Variants in CPEB2 observed in about 807,000 individuals in gnomAD.
CPEB2 encodes the protein cytoplasmic polyadenylation element-binding protein 2.
A neutral mutation model predicts 93.6 loss-of-function variants in CPEB2; 56 were observed. The observed-to-expected ratio is 0.60, with a 90% confidence interval of 0.48 to 0.75. CPEB2 has a LOEUF of 0.75. Among genes scored for constraint, CPEB2 ranks in the 30% least tolerant of loss-of-function variants. The probability of loss-of-function intolerance (pLI) is 0.00; values close to 1 mark genes in which losing one functional copy is unlikely to be tolerated. For missense variants in CPEB2, 1,579 were observed against 1,395.1 expected (o/e 1.13, Z -2.10); for synonymous variants, 764 against 586.3 (o/e 1.30, Z -4.38).
rs1433947209 is a variant in CPEB2, at chr4:15,002,635, G to A, written c.-39G>A. On this transcript the variant is annotated 5_prime_UTR_variant, in exon 1 of 12. Transcript: ENST00000538197. ...CGGCGGCTTCCTAGGTGGGGCAGGGGACGAGGAGCGTCTCCTCCCGCTGCC... is the reference window on the plus strand; with the variant it reads ...CGGCGGCTTCCTAGGTGGGGCAGGGAACGAGGAGCGTCTCCTCCCGCTGCC... The A allele has an allele frequency of 2.7e-6, 4 of 1,460,184 alleles. No individual in the cohort carries two copies. In the African/African-American group the frequency reaches 4.3e-5, roughly 16 times the overall value. 90.5% of individuals were successfully genotyped at this position (1,460,184 alleles called of 1,614,324 possible).
intron 8 of CPEB2, among the ~76,000 whole-genome samples, 196 bp from the exon 9 acceptor site, chr4:15,058,225 C>T (rs181154694): frequency 6.6e-6 from 1 of 151,980 alleles, no homozygotes; most frequent in East Asian, 1.9e-4. Flanking sequence ...ATAAAGTAGC[C>T]AATTGCTTTA....
At chr4:15,023,274 A>G (rs1359290892) in intron 4 of CPEB2, among the ~76,000 whole-genome samples, 1 of 152,048 alleles carries the variant, frequency 6.6e-6, no homozygotes, top group Non-Finnish European at 1.5e-5. Flanking sequence ...AGTAATTGGA[A>G]TAATTAGGCT....
In CPEB2 at chr4:15,056,140, G is replaced by A. The variant is rs192599900; in HGVS notation, c.2461+1923G>A. On this transcript the variant is annotated intron_variant, in intron 8 of 11. Transcript: ENST00000538197. ...AATGTTCATATTCTCAATAATTCACGGATTGTTAACTGCCTAATAAATGAG... is the reference window on the plus strand; with the variant it reads ...AATGTTCATATTCTCAATAATTCACAGATTGTTAACTGCCTAATAAATGAG... Among the ~76,000 whole-genome samples, 378 of 152,130 alleles carry A rather than the reference G, an allele frequency of 2.5e-3. 2 individuals are homozygous for A. Among genetic ancestry groups the A allele is most frequent in the African/African-American group, 8.4e-3 (349 of 41,490 alleles).
chr4:15,051,154 G>T (rs1404643310), intron 6 of CPEB2, among the ~76,000 whole-genome samples: 1 of 151,856 alleles, frequency 6.6e-6, no homozygotes, highest in African/African-American at 2.4e-5. Context: ...ATCCTTTGTG[G>T]ATTTTTTGCA....
intron 4 of CPEB2, among the ~76,000 whole-genome samples, chr4:15,023,147 T>A (rs1724987860): frequency 6.6e-6 from 1 of 152,066 alleles, no homozygotes; most frequent in Admixed American, 6.6e-5. Context: ...GCAATCCTGT[T>A]ACTCACCACA....
intron 4 of CPEB2, among the ~76,000 whole-genome samples, chr4:15,030,480 A>G (rs1725974457): frequency 6.6e-6 from 1 of 152,140 alleles, no homozygotes; most frequent in Non-Finnish European, 1.5e-5. Flanking sequence ...AATTGGTTGT[A>G]AAGAACATAG....
chr4:15,004,554 G>C (rs148046273), intron 1 of CPEB2, among the ~76,000 whole-genome samples: 4,134 of 152,238 alleles, frequency 0.027, 90 homozygotes, highest in South Asian at 0.14. Flanking sequence ...ACCGTGGGCT[G>C]TGGGGGCGTG....
rs551480180 is a variant in CPEB2 at position 15,061,123 on chromosome 4, T to C, written c.2696-956T>C. Among the ~76,000 whole-genome samples the C allele has an allele frequency of 2.6e-5, 4 of 152,256 alleles. No homozygotes were observed. The South Asian group carries it at 8.3e-4, about 32-fold the overall frequency. ...GAGTGTGGCCAGTGCCTGTTAAATATCGAGTTGTCCAGTAGACAGTTGCAT... is the reference window on the plus strand; with the variant it reads ...GAGTGTGGCCAGTGCCTGTTAAATACCGAGTTGTCCAGTAGACAGTTGCAT... On this transcript the variant is annotated intron_variant, in intron 10 of 11. Transcript: ENST00000538197.
chr4:15,014,535 G>A (rs1051335465), intron 3 of CPEB2, among the ~76,000 whole-genome samples: 9 of 151,974 alleles, frequency 5.9e-5, no homozygotes, highest in South Asian at 2.1e-4. Flanking sequence ...AGCAAGCCAC[G>A]TTAATCTGAT....
At chr4:15,065,868 T>C (rs995993623) in intron 11 of CPEB2, among the ~76,000 whole-genome samples, 1 of 152,064 alleles carries the variant, frequency 6.6e-6, no homozygotes, top group African/African-American at 2.4e-5. Context: ...GATATCTCTT[T>C]TGTTTTTCAC....
Position 15,068,867 on chromosome 4 carries a change from AGTCTAAT to A in CPEB2, c.*2490_*2496del, listed in dbSNP as rs1441752269. ...CATTTCTGTACAAGTAAAGCTTATT[AGTCTAAT>A]GTTTTGTTCCTTTCCCACCTCACCC... On this transcript the variant is annotated 3_prime_UTR_variant, in exon 12 of 12. Transcript: ENST00000538197. 1 of 152,092 alleles carries A rather than the reference AGTCTAAT, an allele frequency of 6.6e-6. No homozygotes were observed. Among genetic ancestry groups the A allele is most frequent in the East Asian group, 1.9e-4 (1 of 5,150 alleles). The allele number at this position is 152,092 out of a possible 1,614,324, so 9.4% of individuals were successfully genotyped here. A position where few individuals can be genotyped will look rare whatever the true frequency, so the allele number is the denominator to read the frequency against.
At chr4:15,060,015 C>G (rs748355470) in intron 10 of CPEB2, among the ~76,000 whole-genome samples, 1 of 152,070 alleles carries the variant, frequency 6.6e-6, no homozygotes, top group Non-Finnish European at 1.5e-5. Flanking sequence ...TATCTGATAT[C>G]TTGAAGGTAT....
intron 6 of CPEB2, among the ~76,000 whole-genome samples, chr4:15,046,973 G>T (rs1293340178): frequency 1.3e-5 from 2 of 152,084 alleles, no homozygotes; most frequent in South Asian, 2.1e-4. Flanking sequence ...TTTCAGTATG[G>T]TGTGATACAA....
chr4:15,049,876 T>C (rs992602911), intron 6 of CPEB2, among the ~76,000 whole-genome samples: 4 of 152,320 alleles, frequency 2.6e-5, no homozygotes, highest in African/African-American at 9.6e-5. Context: ...GGTAGCTAGC[T>C]CCCTCACTCT....
chr4:15,059,769 C>T (rs1224317473), intron 10 of CPEB2, among the ~76,000 whole-genome samples: 1 of 151,904 alleles, frequency 6.6e-6, no homozygotes, highest in Non-Finnish European at 1.5e-5. Context: ...AAAAACCTAC[C>T]AAAATATGTC....
intron 1 of CPEB2, chr4:15,005,010 C>G (rs1207170932): frequency 6.6e-6 from 1 of 152,112 alleles, no homozygotes; most frequent in Non-Finnish European, 1.5e-5. Flanking sequence ...GGCGGTCAGT[C>G]GAGCCGCTCC....
In CPEB2 at chr4:15,002,732, G is replaced by C. The variant is rs576831724; in HGVS notation, c.59G>C (p.Gly20Ala). 1 of 1,534,438 alleles carries C rather than the reference G, an allele frequency of 6.5e-7. No individual in the cohort carries two copies. Among genetic ancestry groups the C allele is most frequent in the South Asian group, 1.2e-5 (1 of 83,962 alleles). Residue 20 changes from glycine to alanine, a missense_variant, in exon 1 of 12, where the codon GGG (glycine) becomes GCG (alanine). Coordinates refer to ENST00000538197, the MANE Select transcript of CPEB2 (RefSeq NM_001177382.2). Reference protein sequence around the residue: ...QTAPLRSSSPGPLFCGEAYGP... With the variant: ...QTAPLRSSSPAPLFCGEAYGP... ...GCCCCGCTCCGAAGTAGCAGTCCTGGGCCCCTGTTCTGCGGCGAGGCGTAT... is the reference window on the plus strand; with the variant it reads ...GCCCCGCTCCGAAGTAGCAGTCCTGCGCCCCTGTTCTGCGGCGAGGCGTAT...
At chr4:15,038,344 C>T (rs1359852623) in intron 5 of CPEB2, among the ~76,000 whole-genome samples, 1 of 152,138 alleles carries the variant, frequency 6.6e-6, no homozygotes, top group Admixed American at 6.5e-5. Context: ...ATAATTGTGA[C>T]ATTATGACAT....
chr4:15,004,409 C>A, intron 1 of CPEB2, 74 bp downstream of exon 1: 3 of 1,146,960 alleles, frequency 2.6e-6, no homozygotes, highest in Non-Finnish European at 2.3e-6. Flanking sequence ...GGGGGCAGGG[C>A]AGCCGGGGAC....
Sources: gnomAD v4.1 joint callset for allele counts (sites outside exome capture counted in the v4.1 genomes callset) on GRCh38, gnomAD v4.1.1 for gene constraint, MANE v1.5 for transcripts, NCBI Gene and HGNC (gene_info 2026-07-23, HGNC 2026-07-21) for gene names.